ADGRL2: variants seen among roughly 807,000 people sequenced by gnomAD.
ADGRL2 encodes calcium-independent alpha-latrotoxin receptor 2.
A neutral mutation model predicts 157.4 loss-of-function variants in ADGRL2; 44 were observed. The observed-to-expected ratio is 0.28, with a 90% CI of 0.22 to 0.36. The LOEUF is 0.36. Among genes scored for constraint, ADGRL2 ranks in the 10% least tolerant of loss-of-function variants. ADGRL2 has a pLI of 1.00. For synonymous variants in ADGRL2, 585 were observed against 624.7 expected (o/e 0.94, Z 0.95); for missense variants, 1,510 against 1,768.9 (o/e 0.85, Z 2.63).
intron 1 of ADGRL2, among the ~76,000 whole-genome samples, chr1:81,394,962 G>T (rs2076628910): frequency 6.6e-6 from 1 of 151,600 alleles, no homozygotes; most frequent in Admixed American, 6.6e-5. Flanking sequence ...GCAGTGTCAC[G>T]ATCTCAGCTC....
chr1:81,835,451 G>A lies in ADGRL2; in HGVS notation c.-100-1434G>A, dbSNP rs1891098. Reference sequence around the variant, plus strand: ...CTTTCAGGTTTAAGGCAGGCACATTGCTACAGCAGTTGTAAACTGCAGGTT... The same window carrying A: ...CTTTCAGGTTTAAGGCAGGCACATTACTACAGCAGTTGTAAACTGCAGGTT... On this transcript the variant is annotated intron_variant, in intron 1 of 23. Transcript: ENST00000686636. Among the ~76,000 whole-genome samples the A allele has an allele frequency of 9.8e-4, 149 of 152,234 alleles. 1 individual carries two copies. The highest frequency in any genetic ancestry group is 3.5e-3 in the African/African-American group (145 of 41,550).
At chr1:81,882,000 A>T (rs1258358679) in intron 2 of ADGRL2, among the ~76,000 whole-genome samples, 1 of 152,004 alleles carries the variant, frequency 6.6e-6, no homozygotes, top group Admixed American at 6.6e-5. Context: ...TATCTTTTTA[A>T]TGGGCCTCTC....
chr1:81,518,894 G>A (rs967362652), intron 2 of ADGRL2, among the ~76,000 whole-genome samples: 8 of 152,030 alleles, frequency 5.3e-5, no homozygotes, highest in Non-Finnish European at 7.4e-5. Context: ...ACACAGAAGT[G>A]TTTGCTTTAT....
chr1:81,741,156 A>AGGG, intron 1 of ADGRL2, among the ~76,000 whole-genome samples: 1 of 152,100 alleles, frequency 6.6e-6, no homozygotes, highest in East Asian at 1.9e-4. Context: ...AGAGTAAAGA[A>AGGG]AATTGGAGTA....
intron 1 of ADGRL2, among the ~76,000 whole-genome samples, chr1:81,822,043 T>TTTTTG (rs377642104): frequency 2.0e-5 from 3 of 150,496 alleles, no homozygotes; most frequent in Non-Finnish European, 3.0e-5. Flanking sequence ...TTTTTTTTTT[T>TTTTTG]GCAAAGCATA....
rs1445090039 is a variant in ADGRL2 at position 81,343,088 on chromosome 1, TTTTC to T, written c.-302+36583_-302+36586del. 4.2e-4 allele frequency among the ~76,000 whole-genome samples: 25 copies of T among 59,104 alleles called. 1 individual carries two copies. The highest frequency in any genetic ancestry group is 1.2e-3 in the African/African-American group (13 of 10,982). The allele number at this position is 59,104 out of a possible 152,430, so 38.8% of individuals were successfully genotyped here. ...TTTTCTTTTCTTTTTTTCTTTTTTC[TTTTC>T]TTTTTTTTTTTTTTGAGACAGAATC... On this transcript the variant is annotated intron_variant, in intron 1 of 24. Transcript: ENST00000370721.
At chr1:81,693,817 A>G (rs548417891) in intron 3 of ADGRL2, among the ~76,000 whole-genome samples, 1 of 152,298 alleles carries the variant, frequency 6.6e-6, no homozygotes, top group Non-Finnish European at 1.5e-5. Context: ...GGGAAATTAT[A>G]TATAGAAAAA....
At chr1:81,549,014 G>C (rs2080083678) in intron 2 of ADGRL2, among the ~76,000 whole-genome samples, 1 of 152,194 alleles carries the variant, frequency 6.6e-6, no homozygotes, top group African/African-American at 2.4e-5. Flanking sequence ...GGAGTGCTTT[G>C]CTTTAGGCAA....
intron 2 of ADGRL2, among the ~76,000 whole-genome samples, chr1:81,493,214 A>G (rs1215509451): frequency 1.3e-5 from 2 of 152,194 alleles, no homozygotes; most frequent in African/African-American, 4.8e-5. Context: ...CTCCCGCCCC[A>G]CAGTAAAACT....
chr1:81,559,865 CTTTAATAG>C (rs1274398641), intron 2 of ADGRL2, among the ~76,000 whole-genome samples: 1 of 152,140 alleles, frequency 6.6e-6, no homozygotes, highest in East Asian at 1.9e-4. Context: ...TCATAAACAT[CTTTAATAG>C]TTTAATATTA....
chr1:81,856,635 G>A (rs3790934), intron 2 of ADGRL2, among the ~76,000 whole-genome samples: 1 of 152,000 alleles, frequency 6.6e-6, no homozygotes, highest in East Asian at 1.9e-4. Flanking sequence ...ATGAATGTCA[G>A]GAGTCAAGGT....
chr1:81,752,277 C>G (rs1308103402), intron 1 of ADGRL2, among the ~76,000 whole-genome samples: 1 of 152,130 alleles, frequency 6.6e-6, no homozygotes, highest in Non-Finnish European at 1.5e-5. Context: ...TCTTGGACTT[C>G]CCTGCCTCCA....
intron 3 of ADGRL2, among the ~76,000 whole-genome samples, chr1:81,617,089 C>T (rs191584658): frequency 8.4e-4 from 128 of 152,356 alleles, no homozygotes; most frequent in Middle Eastern, 6.8e-3. Flanking sequence ...CCCCAAGCCA[C>T]GTACTGGTGC....
intron 1 of ADGRL2, among the ~76,000 whole-genome samples, chr1:81,413,952 T>C (rs2101463568): frequency 6.6e-6 from 1 of 152,304 alleles, no homozygotes; most frequent in African/African-American, 2.4e-5. Flanking sequence ...TGTGTAGATA[T>C]CTGTGAAAGT....
At chr1:81,425,222 G>A (rs190263626) in intron 1 of ADGRL2, among the ~76,000 whole-genome samples, 75 of 151,982 alleles carry the variant, frequency 4.9e-4, no homozygotes, top group Middle Eastern at 6.8e-3. Context: ...AGTATATGTT[G>A]ACCCTATCAC....
chr1:81,691,880 G>GTATATATATATATATATATATATA lies in ADGRL2; in HGVS notation c.-142-69916_-142-69915insATATATATATATATATATATATAT, dbSNP rs58043778. Among the ~76,000 whole-genome samples the GTATATATATATATATATATATATA allele has an allele frequency of 3.5e-4, 42 of 119,850 alleles. 1 individual carries two copies. Among genetic ancestry groups the GTATATATATATATATATATATATA allele is most frequent in the Middle Eastern group, 4.9e-3 (1 of 204 alleles). The allele number at this position is 119,850 out of a possible 152,430, so 78.6% of individuals were successfully genotyped here. A position where few individuals can be genotyped will look rare whatever the true frequency, so the allele number is the denominator to read the frequency against. ...TATATATATATGGGTGTGTGTGTGTGTATATATATATATATGTATGTGTAT... is the reference window on the plus strand; with the variant it reads ...TATATATATATGGGTGTGTGTGTGTGTATATATATATATATATATATATATATATATATATATATGTATGTGTAT... On this transcript the variant is annotated intron_variant, in intron 3 of 24. Coordinates refer to the ADGRL2 transcript ENST00000370721.
intron 3 of ADGRL2, among the ~76,000 whole-genome samples, chr1:81,922,933 G>T (rs2095021852): frequency 6.6e-6 from 1 of 151,960 alleles, no homozygotes; most frequent in South Asian, 2.1e-4. Context: ...GTGATCAATT[G>T]ATCTATCTAT....
At chr1:81,430,906 T>C (rs553317569) in intron 1 of ADGRL2, among the ~76,000 whole-genome samples, 33 of 152,362 alleles carry the variant, frequency 2.2e-4, no homozygotes, top group African/African-American at 7.5e-4. Flanking sequence ...TACTTACTTA[T>C]TTTCCAAGTT....
At chr1:81,768,426 G>C (rs191438049) in intron 2 of ADGRL2, among the ~76,000 whole-genome samples, 22 of 151,204 alleles carry the variant, frequency 1.5e-4, no homozygotes, top group Middle Eastern at 3.5e-3. Context: ...ATGAGATTGA[G>C]CACCTTTTCT....
Sources: allele counts gnomAD v4.1 joint callset (sites outside exome capture counted in the v4.1 genomes callset), GRCh38; gene constraint gnomAD v4.1.1; transcripts MANE v1.5; gene names NCBI Gene and HGNC (gene_info 2026-07-23, HGNC 2026-07-21).